KCNH7: variants seen among roughly 807,000 people sequenced by gnomAD.
KCNH7 encodes voltage-gated inwardly rectifying potassium channel KCNH7.
Under a neutral mutation model 120.8 loss-of-function variants are expected in KCNH7, and 49 were observed. The ratio of observed to expected loss-of-function variants is 0.41; its 90% confidence interval spans 0.32 to 0.51. The LOEUF (loss-of-function observed/expected upper bound fraction) is 0.51, where lower values mean the gene tolerates loss of function less well. Ranked by LOEUF, KCNH7 falls within the 20% of genes least tolerant of loss-of-function variation. The pLI is 0.38. For synonymous variants in KCNH7, 547 were observed against 516.1 expected, an observed-to-expected ratio of 1.06 and a Z score of -0.81; for missense variants, 1,097 against 1,446.6, an observed-to-expected ratio of 0.76 and a Z score of 3.92.
chr2:162,508,759 G>T (rs1208004777), intron 5 of KCNH7, among the ~76,000 whole-genome samples: 2 of 151,458 alleles, frequency 1.3e-5, no homozygotes, highest in African/African-American at 4.8e-5. Flanking sequence ...GAGAGGCCTT[G>T]GTTGAGGATT....
chr2:162,712,437 T>G (rs76643188), intron 2 of KCNH7, among the ~76,000 whole-genome samples: 3,052 of 152,250 alleles, frequency 0.02, 105 homozygotes, highest in African/African-American at 0.069. Context: ...CCCCTTCCAC[T>G]TTCTCTTCTA....
At chr2:162,505,792 T>C (rs1360008187) in intron 5 of KCNH7, among the ~76,000 whole-genome samples, 2 of 151,852 alleles carry the variant, frequency 1.3e-5, no homozygotes, top group Non-Finnish European at 2.9e-5. Flanking sequence ...GCCTTTGTTA[T>C]TTTTTTCCCT....
intron 2 of KCNH7, among the ~76,000 whole-genome samples, chr2:162,812,352 G>T (rs760284024): frequency 1.3e-5 from 2 of 152,134 alleles, no homozygotes; most frequent in Non-Finnish European, 2.9e-5. Context: ...ACTGGCATCT[G>T]CAGGGACAAC....
intron 6 of KCNH7, among the ~76,000 whole-genome samples, chr2:162,469,997 G>A (rs983943822): frequency 1.3e-5 from 2 of 152,220 alleles, no homozygotes; most frequent in Non-Finnish European, 2.9e-5. Context: ...ACGGAGTCTC[G>A]TTCACTCAGT....
At chr2:162,599,264 A>C (rs970423464) in intron 2 of KCNH7, among the ~76,000 whole-genome samples, 2 of 151,882 alleles carry the variant, frequency 1.3e-5, no homozygotes, top group African/African-American at 4.8e-5. Flanking sequence ...AAGCTCATGT[A>C]ATCAAACAAT....
intron 2 of KCNH7, among the ~76,000 whole-genome samples, chr2:162,825,285 T>C (rs1356748852): frequency 2.0e-5 from 3 of 152,004 alleles, no homozygotes; most frequent in Non-Finnish European, 2.9e-5. Flanking sequence ...ACTTAGCATG[T>C]TTTTTTAATG....
chr2:162,785,869 T>C (rs561075022), intron 2 of KCNH7, among the ~76,000 whole-genome samples: 1 of 152,212 alleles, frequency 6.6e-6, no homozygotes, highest in South Asian at 2.1e-4. Context: ...ATTGTAACTG[T>C]ACCACTCTTA....
intron 7 of KCNH7, among the ~76,000 whole-genome samples, chr2:162,439,391 G>A (rs1419733256): frequency 1.3e-5 from 2 of 152,078 alleles, no homozygotes; most frequent in Admixed American, 1.3e-4. Context: ...AAAAACAGGT[G>A]AGTCATTTTG....
At chr2:162,594,553 G>C (rs1694312227) in intron 2 of KCNH7, among the ~76,000 whole-genome samples, 1 of 150,968 alleles carries the variant, frequency 6.6e-6, no homozygotes, top group East Asian at 2.0e-4. Flanking sequence ...AGATATAACA[G>C]TCATAAAAAA....
At chr2:162,611,450 A>G (rs978443483) in intron 2 of KCNH7, among the ~76,000 whole-genome samples, 1 of 152,198 alleles carries the variant, frequency 6.6e-6, no homozygotes, top group African/African-American at 2.4e-5. Flanking sequence ...CTCAGATGCC[A>G]TTTTAAGGAA....
intron 2 of KCNH7, among the ~76,000 whole-genome samples, chr2:162,616,085 A>C (rs1042580590): frequency 6.6e-6 from 1 of 152,180 alleles, no homozygotes; most frequent in Non-Finnish European, 1.5e-5. Flanking sequence ...AAAATACCAA[A>C]GATTCTGATT....
intron 6 of KCNH7, among the ~76,000 whole-genome samples, chr2:162,478,792 A>G (rs1221169162): frequency 6.6e-6 from 1 of 152,082 alleles, no homozygotes; most frequent in Non-Finnish European, 1.5e-5. Context: ...ATTTCAAACC[A>G]CCTGCTTGCC....
At chr2:162,528,267 A>G (rs1431773185) in intron 3 of KCNH7, 2 of 152,020 alleles carry the variant, frequency 1.3e-5, no homozygotes, top group Admixed American at 6.6e-5. Context: ...GGCCACTTCA[A>G]ATAAGATAAA....
chr2:162,671,452 C>G (rs1685353561), intron 2 of KCNH7, among the ~76,000 whole-genome samples: 1 of 150,320 alleles, frequency 6.7e-6, no homozygotes, highest in Non-Finnish European at 1.5e-5. Flanking sequence ...AGTGAAATGA[C>G]TCAGAAACAC....
chr2:162,510,952 A>G (rs1321909852), intron 5 of KCNH7, among the ~76,000 whole-genome samples: 2 of 151,756 alleles, frequency 1.3e-5, no homozygotes, highest in Non-Finnish European at 2.9e-5. Flanking sequence ...CAATTTGGGG[A>G]TATAACTTCT....
At chr2:162,496,303 C>T (rs1690495592) in intron 6 of KCNH7, among the ~76,000 whole-genome samples, 1 of 152,074 alleles carries the variant, frequency 6.6e-6, no homozygotes, top group Non-Finnish European at 1.5e-5. Flanking sequence ...AACCTGTGAC[C>T]AGCCCCACAA....
intron 6 of KCNH7, among the ~76,000 whole-genome samples, chr2:162,453,355 G>T (rs1400901580): frequency 6.6e-6 from 1 of 152,118 alleles, no homozygotes; most frequent in South Asian, 2.1e-4. Flanking sequence ...TCTTTATCCA[G>T]TCTATCATTG....
chr2:162,391,831 C>A (rs949950712), intron 12 of KCNH7, among the ~76,000 whole-genome samples: 1 of 151,926 alleles, frequency 6.6e-6, no homozygotes, highest in Admixed American at 6.6e-5. Flanking sequence ...TCCAGTAAGA[C>A]AAACATAAGA....
intron 2 of KCNH7, among the ~76,000 whole-genome samples, chr2:162,817,291 T>C (rs922806737): frequency 1.3e-5 from 2 of 152,206 alleles, no homozygotes; most frequent in African/African-American, 4.8e-5. Context: ...TTGCCTAATC[T>C]TGAGCTTTAT....
Sources: allele counts gnomAD v4.1 joint callset (sites outside exome capture counted in the v4.1 genomes callset), GRCh38; gene constraint gnomAD v4.1.1; transcripts MANE v1.5; gene names NCBI Gene and HGNC (gene_info 2026-07-23, HGNC 2026-07-21).